The following NAALADL2 variants were observed in gnomAD, a reference collection of about 807,000 sequenced individuals.
The protein encoded by NAALADL2 is inactive N-acetylated-alpha-linked acidic dipeptidase-like protein 2.
A neutral mutation model predicts 87.2 loss-of-function variants in NAALADL2; 76 were observed. That is an observed-to-expected ratio of 0.87 (90% CI 0.72 to 1.05). The LOEUF is 1.05. Ranked by LOEUF, NAALADL2 falls within the 50% of genes least tolerant of loss-of-function variation. The pLI, the probability that NAALADL2 is intolerant of heterozygous loss-of-function variation, is 0.00. For missense variants in NAALADL2, 1,089 were observed against 945.8 expected (o/e 1.15, Z -1.99); for synonymous variants, 354 against 331.0 (o/e 1.07, Z -0.75).
At chr3:175,302,661 T>G (rs1335119532) in intron 4 of NAALADL2, among the ~76,000 whole-genome samples, 2 of 152,102 alleles carry the variant, frequency 1.3e-5, no homozygotes, top group Non-Finnish European at 2.9e-5. Context: ...TAATAATGTA[T>G]GTTAGAAAAT....
At chr3:175,364,078 A>C (rs1399412040) in intron 5 of NAALADL2, among the ~76,000 whole-genome samples, 1 of 147,730 alleles carries the variant, frequency 6.8e-6, no homozygotes, top group Non-Finnish European at 1.5e-5. Flanking sequence ...GTTAGTGAAG[A>C]CTTACCCCTG....
chr3:175,269,904 T>C (rs1752546651), intron 4 of NAALADL2, among the ~76,000 whole-genome samples: 1 of 152,198 alleles, frequency 6.6e-6, no homozygotes, highest in Admixed American at 6.5e-5. Flanking sequence ...TACTTTCACA[T>C]GGTTCAGAAT....
intron 6 of NAALADL2, among the ~76,000 whole-genome samples, chr3:175,460,773 C>T (rs1008194780): frequency 6.6e-6 from 1 of 152,146 alleles, no homozygotes; most frequent in African/African-American, 2.4e-5. Flanking sequence ...TAGAGTGGGA[C>T]TATAGCATCC....
At chr3:175,435,508 A>T (rs892304402) in intron 5 of NAALADL2, among the ~76,000 whole-genome samples, 1 of 152,084 alleles carries the variant, frequency 6.6e-6, no homozygotes, top group Non-Finnish European at 1.5e-5. Context: ...TAATCAAAAC[A>T]TTTTAACATA....
chr3:174,958,045 A>G (rs961736786), intron 1 of NAALADL2, among the ~76,000 whole-genome samples: 4 of 151,888 alleles, frequency 2.6e-5, no homozygotes, highest in Non-Finnish European at 5.9e-5. Flanking sequence ...CGCCTCTTCC[A>G]TGTAACCTTT....
intron 2 of NAALADL2, among the ~76,000 whole-genome samples, chr3:175,199,865 T>TA (rs1491567315): frequency 0.012 from 106 of 8,506 alleles, 1 homozygote; most frequent in African/African-American, 0.024. Context: ...TATATATATA[T>TA]TTTTTTTTTT....
chr3:175,357,990 G>A (rs924059452), intron 5 of NAALADL2, among the ~76,000 whole-genome samples: 2 of 152,130 alleles, frequency 1.3e-5, no homozygotes, highest in African/African-American at 4.8e-5. Flanking sequence ...CTGGCCCTGG[G>A]GGGCAGCAGA....
In NAALADL2 at chr3:175,652,928, C is replaced by T. The variant is rs369330913; in HGVS notation, c.1896+25542C>T. On this transcript the variant is annotated intron_variant, in intron 11 of 13. Coordinates refer to ENST00000454872, the MANE Select transcript of NAALADL2 (RefSeq NM_207015.3). ...TCTCCAAAAACTTAACTACTAATAG[C>T]CTGCTGTTAACTGGAAGCCTTACTG... Among the ~76,000 whole-genome samples the T allele has an allele frequency of 2.4e-4, 36 of 152,150 alleles. 1 individual carries two copies. In the South Asian group the frequency reaches 7.5e-3, roughly 32 times the overall value.
At position 174,994,755 on chromosome 3, in the gene NAALADL2, C is replaced by T. The variant is rs557132084; in HGVS notation, c.44-102035C>T. 7.8e-4 allele frequency among the ~76,000 whole-genome samples: 119 copies of T among 152,106 alleles called. No individual in the cohort carries two copies. The Middle Eastern group carries it at 0.01, about 13-fold the overall frequency. The stretch of plus-strand genomic sequence containing the variant: ...GATTTCACTAATCTTAGTCTATTTC[C>T]GTTTGGAAATTCTCAAATTTTTAAT... On this transcript the variant is annotated intron_variant, in intron 1 of 13. Transcript: ENST00000454872.
At chr3:174,843,344 A>G (rs1724236516) in intron 3 of NAALADL2, among the ~76,000 whole-genome samples, 1 of 151,576 alleles carries the variant, frequency 6.6e-6, no homozygotes, top group African/African-American at 2.4e-5. Flanking sequence ...TAATAGTGAG[A>G]TCATGGAGTA....
At chr3:175,300,148 T>TG (rs1756872058) in intron 4 of NAALADL2, among the ~76,000 whole-genome samples, 1 of 152,196 alleles carries the variant, frequency 6.6e-6, no homozygotes, top group South Asian at 2.1e-4. Context: ...GACTTGATCG[T>TG]GGTGGATAAG....
In NAALADL2 at chr3:174,554,558, A is replaced by G. The variant is rs1030227480; in HGVS notation, c.-115+3921A>G. ...GTTTCCTCCATTGTTAAAATGTGACAGTTTTTAAAAAAAATCTATGAAGCA... is the reference window on the plus strand; with the variant it reads ...GTTTCCTCCATTGTTAAAATGTGACGGTTTTTAAAAAAAATCTATGAAGCA... On this transcript the variant is annotated intron_variant, in intron 2 of 3. Transcript: ENST00000434257. 2.0e-5 allele frequency among the ~76,000 whole-genome samples: 3 copies of G among 151,708 alleles called. No homozygotes were observed. In the East Asian group the frequency reaches 5.8e-4, roughly 29 times the overall value.
At chr3:175,304,652 G>T (rs1452820333) in intron 4 of NAALADL2, among the ~76,000 whole-genome samples, 1 of 152,118 alleles carries the variant, frequency 6.6e-6, no homozygotes, top group African/African-American at 2.4e-5. Flanking sequence ...ATGCTCCACT[G>T]CTGGATATTT....
At chr3:174,795,171 A>G (rs1560232372) in intron 3 of NAALADL2, among the ~76,000 whole-genome samples, 1 of 146,002 alleles carries the variant, frequency 6.8e-6, no homozygotes, top group Non-Finnish European at 1.5e-5. Flanking sequence ...TTTTTTTTGT[A>G]TTTTTTGTAG....
intron 1 of NAALADL2, among the ~76,000 whole-genome samples, chr3:175,058,953 G>T (rs1430343957): frequency 6.6e-6 from 1 of 152,152 alleles, no homozygotes; most frequent in Non-Finnish European, 1.5e-5. Flanking sequence ...GACTGAAAAA[G>T]AATATGATGA....
intron 7 of NAALADL2, among the ~76,000 whole-genome samples, chr3:175,463,701 G>GGGGAGAGAGA (rs1283613899): frequency 8.7e-6 from 1 of 115,484 alleles, no homozygotes; most frequent in Non-Finnish European, 1.7e-5. Flanking sequence ...CTTAGTCGGG[G>GGGGAGAGAGA]GAGAGAGAGA....
At chr3:175,743,425 C>T (rs1228075228) in intron 12 of NAALADL2, among the ~76,000 whole-genome samples, 3 of 152,166 alleles carry the variant, frequency 2.0e-5, no homozygotes, top group African/African-American at 7.2e-5. Context: ...TCCTGAACCC[C>T]ATCACAGGCA....
chr3:175,538,211 C>A (rs1320618004), intron 9 of NAALADL2, among the ~76,000 whole-genome samples: 2 of 151,980 alleles, frequency 1.3e-5, no homozygotes, highest in African/African-American at 2.4e-5. Flanking sequence ...TTATTATATT[C>A]ATTTCATATG....
intron 2 of NAALADL2, among the ~76,000 whole-genome samples, chr3:174,557,040 C>G (rs1280950697): frequency 6.6e-6 from 1 of 152,060 alleles, no homozygotes; most frequent in African/African-American, 2.4e-5. Flanking sequence ...GCCACCGTGC[C>G]CAGCTACATT....
Sources: gnomAD v4.1 joint callset for allele counts (sites outside exome capture counted in the v4.1 genomes callset) on GRCh38, gnomAD v4.1.1 for gene constraint, MANE v1.5 for transcripts, NCBI Gene and HGNC (gene_info 2026-07-23, HGNC 2026-07-21) for gene names.